THBS4: variants seen among roughly 807,000 people sequenced by gnomAD.
The protein encoded by THBS4 is thrombospondin 4, also known as thrombospondin-4.
THBS4 carries 90 observed loss-of-function variants against 115.7 expected under a neutral mutation model. That is an observed-to-expected ratio of 0.78 (90% CI 0.66 to 0.93). The LOEUF (loss-of-function observed/expected upper bound fraction) is 0.93, where lower values mean the gene tolerates loss of function less well. THBS4 is among the 40% of genes least tolerant of loss of function. THBS4 has a pLI of 0.00. For synonymous variants in THBS4, 460 were observed against 479.3 expected, an observed-to-expected ratio of 0.96 and a Z score of 0.53; for missense variants, 1,087 against 1,232.7, an observed-to-expected ratio of 0.88 and a Z score of 1.77.
intron 1 of THBS4, chr5:80,036,269 G>A (rs1022103381): frequency 1.1e-6 from 1 of 897,470 alleles, no homozygotes; most frequent in African/African-American, 1.8e-5. Flanking sequence ...TTCCTAAGTG[G>A]ATTAAGGCAG....
At chr5:80,033,065 A>G, upstream of THBS4, 1 of 178,842 alleles carries the variant, frequency 5.6e-6, no homozygotes, top group South Asian at 1.5e-4. Flanking sequence ...CTGGTGTGTC[A>G]TTGGGTCAAG....
At position 80,061,855 on chromosome 5, in the gene THBS4, A is replaced by G. The variant is rs773333451; in HGVS notation, c.1125+23A>G. On this transcript the variant is annotated intron_variant, in intron 8 of 21. Transcript: ENST00000350881. The stretch of plus-strand genomic sequence containing the variant: ...CAGGTAGGCTGAAGTCATGGTTTCT[A>G]TTCATTTCTCATCTTAACAAAACAA... 1.8e-5 allele frequency: 28 copies of G among 1,593,758 alleles called. No homozygotes were observed. The East Asian group carries it at 3.6e-4, about 20-fold the overall frequency.
chr5:80,016,060 G>A lies in THBS4; in HGVS notation n.177+17633G>A, dbSNP rs972774588. Reference sequence around the variant, plus strand: ...GAAGGGCTGTCTTTGGGGCCAGGAAGACCCTTCCCTGGACAGTATTCACGC... The same window carrying A: ...GAAGGGCTGTCTTTGGGGCCAGGAAAACCCTTCCCTGGACAGTATTCACGC... On this transcript the variant is annotated intron_variant and non_coding_transcript_variant, in intron 2 of 3. Transcript: ENST00000510218. Among the ~76,000 whole-genome samples the A allele has an allele frequency of 7.9e-5, 12 of 152,290 alleles. No individual in the cohort carries two copies. In the South Asian group the frequency reaches 2.5e-3, roughly 32 times the overall value.
Position 80,059,759 on chromosome 5 carries a change from G to A in THBS4, c.841G>A (p.Ala281Thr), listed in dbSNP as rs1268839754. Reference sequence around the variant, plus strand: ...CACGGTGGTGCCCCCGGCTCCCCCTGCACCGCCAACACGCCCACCTCGTCG... The same window carrying A: ...CACGGTGGTGCCCCCGGCTCCCCCTACACCGCCAACACGCCCACCTCGTCG... ...PSTVVPPAPP[A>T]PPTRPPRRCD... The change falls in exon 7 of 22, where the codon GCA becomes ACA. Residue 281 changes from alanine to threonine, a missense_variant. Ala to Thr is a moderately conservative substitution (Grantham distance 58). Transcript: ENST00000350881. The A allele has an allele frequency of 6.2e-7, 1 of 1,614,014 alleles. No homozygotes were observed. Among genetic ancestry groups the A allele is most frequent in the Non-Finnish European group, 8.5e-7 (1 of 1,180,024 alleles).
rs1743569501 is a variant in THBS4 at position 80,082,525 on chromosome 5, A to G, written c.2804A>G (p.Asn935Ser). ...TCTCAAGAAAACATCATCTGGTCCA[A>G]CCTCAAGTATCGCTGCAATGGTAAT... ...CFSQENIIWS[N>S]LKYRCNDTIP... Residue 935 changes from asparagine (N) to serine (S), a missense_variant, in exon 21 of 22, where the codon AAC (asparagine) becomes AGC (serine). Transcript: ENST00000350881. The G allele has an allele frequency of 6.2e-7, 1 of 1,614,158 alleles. No individual in the cohort carries two copies. Among genetic ancestry groups the G allele is most frequent in the South Asian group, 1.1e-5 (1 of 91,076 alleles).
At chr5:80,049,966 C>T (rs1044353150) in intron 2 of THBS4, among the ~76,000 whole-genome samples, 2 of 152,158 alleles carry the variant, frequency 1.3e-5, no homozygotes, top group African/African-American at 4.8e-5. Flanking sequence ...GTCAGAGACA[C>T]CGTTTGAGAT....
At chr5:80,020,801 A>G (rs1400450209) in intron 2 of THBS4, among the ~76,000 whole-genome samples, 1 of 152,196 alleles carries the variant, frequency 6.6e-6, no homozygotes, top group Non-Finnish European at 1.5e-5. Context: ...GCAGGCTTCT[A>G]AGGACTACAT....
rs564313089 is a variant in THBS4, at chr5:80,045,623, C to T, written c.292+5343C>T. Among the ~76,000 whole-genome samples the T allele has an allele frequency of 2.0e-5, 3 of 151,424 alleles. No individual in the cohort carries two copies. In the East Asian group the frequency reaches 5.8e-4, roughly 29 times the overall value. ...TTGGCTCACTGCAACCTCCGCCTCC[C>T]GGGTTCAAGTGATTCTCCTGCCTCA... On this transcript the variant is annotated intron_variant, in intron 2 of 21. Transcript: ENST00000350881.
chr5:80,045,106 G>A (rs758684464), intron 2 of THBS4, among the ~76,000 whole-genome samples: 10 of 152,320 alleles, frequency 6.6e-5, no homozygotes, highest in Non-Finnish European at 1.5e-4. Context: ...TTCAGACTAT[G>A]AGGCTTAATA....
At chr5:80,078,402 T>C (rs953918521) in intron 17 of THBS4, among the ~76,000 whole-genome samples, 175 bp downstream of exon 17, 1 of 152,170 alleles carries the variant, frequency 6.6e-6, no homozygotes, top group Non-Finnish European at 1.5e-5. Flanking sequence ...TTACAGAGGA[T>C]GAAATTGTCT....
chr5:79,993,663 T>G (rs1831733927), intron 1 of THBS4, among the ~76,000 whole-genome samples: 1 of 152,232 alleles, frequency 6.6e-6, no homozygotes. Context: ...CTGGTGATAG[T>G]CATCTGAACT....
At chr5:80,071,825 T>A (rs140179305) in intron 13 of THBS4, 156 of 167,760 alleles carry the variant, frequency 9.3e-4, no homozygotes, top group African/African-American at 3.6e-3. Flanking sequence ...CCAGTTTCCA[T>A]GATGTAACTC....
chr5:80,082,424 C>T lies in THBS4; in HGVS notation c.2703C>T (p.Gly901=), dbSNP rs1382374123. 6.2e-7 allele frequency: 1 copy of T among 1,614,130 alleles called. No individual in the cohort carries two copies. The highest frequency in any genetic ancestry group is 1.7e-5 in the Admixed American group (1 of 60,014). Residue 901 remains glycine (G), a synonymous_variant, in exon 21 of 22, where the codon GGC becomes GGT. Coordinates refer to ENST00000350881, the MANE Select transcript of THBS4 (RefSeq NM_003248.6). ...VGYIRVRFYE[G]SELVADSGVT... is the part of the protein sequence containing the mutation. The stretch of plus-strand genomic sequence containing the variant: ...TCCGCAGGGTACGATTTTATGAAGG[C>T]TCTGAGTTGGTGGCTGACTCTGGCG...
intron 2 of THBS4, among the ~76,000 whole-genome samples, chr5:80,016,062 C>T (rs1832239551): frequency 6.6e-6 from 1 of 152,162 alleles, no homozygotes; most frequent in Non-Finnish European, 1.5e-5. Flanking sequence ...GCCAGGAAGA[C>T]CCTTCCCTGG....
intron 15 of THBS4, among the ~76,000 whole-genome samples, chr5:80,075,523 T>C (rs1289585411): frequency 1.3e-5 from 2 of 152,200 alleles, no homozygotes; most frequent in Non-Finnish European, 2.9e-5. Flanking sequence ...TGGGACTGTA[T>C]CCTGACAACT....
intron 2 of THBS4, among the ~76,000 whole-genome samples, chr5:80,041,014 C>G (rs977718794): frequency 6.6e-6 from 1 of 152,172 alleles, no homozygotes; most frequent in Non-Finnish European, 1.5e-5. Flanking sequence ...AGAACAGCAC[C>G]AAGCCATTCA....
intron 19 of THBS4, among the ~76,000 whole-genome samples, chr5:80,079,640 G>A (rs188591625): frequency 2.0e-4 from 30 of 152,326 alleles, no homozygotes; most frequent in African/African-American, 7.0e-4. Context: ...CGTTTGATAG[G>A]AGCCCTCATT....
intron 2 of THBS4, among the ~76,000 whole-genome samples, chr5:80,043,927 A>T (rs557805832): frequency 4.5e-4 from 68 of 152,188 alleles, no homozygotes; most frequent in South Asian, 3.1e-3. Context: ...TTTCCAGTTT[A>T]TCCCTCATTC....
chr5:80,062,949 G>A (rs1013622489), intron 8 of THBS4, among the ~76,000 whole-genome samples: 1 of 152,218 alleles, frequency 6.6e-6, no homozygotes, highest in Admixed American at 6.5e-5. Context: ...GGACATTTGG[G>A]TTGGTTCCAA....
Sources: allele counts gnomAD v4.1 joint callset (sites outside exome capture counted in the v4.1 genomes callset), GRCh38; gene constraint gnomAD v4.1.1; transcripts MANE v1.5; gene names NCBI Gene and HGNC (gene_info 2026-07-23, HGNC 2026-07-21).